RRBP1: variants seen among roughly 807,000 people sequenced by gnomAD.
RRBP1 encodes the protein ribosome binding protein 1, also known as ribosome-binding protein 1.
RRBP1 carries 94 observed loss-of-function variants against 165.2 expected under a neutral mutation model. The ratio of observed to expected loss-of-function variants is 0.57; its 90% CI spans 0.48 to 0.68. The LOEUF is 0.68. Ranked by LOEUF, RRBP1 falls within the 30% of genes least tolerant of loss-of-function variation. The pLI, the probability that RRBP1 is intolerant of heterozygous loss-of-function variation, is 0.00. For synonymous variants in RRBP1, 680 were observed against 714.5 expected (o/e 0.95, Z 0.77); for missense variants, 1,676 against 1,763.0 (o/e 0.95, Z 0.88).
intron 1 of RRBP1, among the ~76,000 whole-genome samples, chr20:17,681,092 C>T (rs1165728489): frequency 1.3e-5 from 2 of 151,676 alleles, no homozygotes. Flanking sequence ...GCGGGAGAGC[C>T]GGCCGGGCCG....
At chr20:17,638,178 C>T (rs1037288229) in intron 5 of RRBP1, among the ~76,000 whole-genome samples, 1 of 152,222 alleles carries the variant, frequency 6.6e-6, no homozygotes, top group Non-Finnish European at 1.5e-5. Flanking sequence ...GTGGCCCCAC[C>T]GGCCCACTGC....
At position 17,660,379 on chromosome 20, in the gene RRBP1, G is replaced by T; in HGVS notation, c.129C>A (p.Ala43=). 1.2e-6 allele frequency: 2 copies of T among 1,614,064 alleles called. No homozygotes were observed. The highest frequency in any genetic ancestry group is 1.7e-6 in the Non-Finnish European group (2 of 1,180,008). The change falls in exon 3 of 25, where the codon GCC becomes GCA. Residue 43 remains alanine, a synonymous_variant. Coordinates refer to ENST00000377813, the MANE Select transcript of RRBP1 (RefSeq NM_001365613.2). ...MKETSYEEAL[A]NQRKEMAKTH... is the part of the protein sequence containing the mutation. The stretch of plus-strand genomic sequence containing the variant: ...TTTTCGCCATCTCCTTGCGCTGGTT[G>T]GCTAGGGCTTCTTCATATGACGTTT...
chr20:17,669,131 T>C (rs2036926557), intron 2 of RRBP1, among the ~76,000 whole-genome samples: 1 of 152,216 alleles, frequency 6.6e-6, no homozygotes, highest in Admixed American at 6.5e-5. Context: ...AGAAACAATG[T>C]TACTCATTTT....
chr20:17,658,615 T>G lies in RRBP1; in HGVS notation c.1893A>C (p.Ser631=). ...QEAPAKKKSG[S]KKKGEPGPPD... ...ACTTACCAGGCTCACCTTTTTTCTT[T>G]GAACCAGACTTCTTCTTGGCAGGAG... The change falls in exon 3 of 25, where the codon TCA becomes TCC. Residue 631 remains serine, a synonymous_variant. Transcript: ENST00000377813. 6.3e-7 allele frequency: 1 copy of G among 1,593,638 alleles called. No individual in the cohort carries two copies. The highest frequency in any genetic ancestry group is 1.4e-5 in the African/African-American group (1 of 73,466).
At chr20:17,666,817 CTT>C (rs1231621883) in intron 2 of RRBP1, among the ~76,000 whole-genome samples, 1 of 152,156 alleles carries the variant, frequency 6.6e-6, no homozygotes, top group African/African-American at 2.4e-5. Flanking sequence ...AGTAGCATGT[CTT>C]ATATTCCTAG....
chr20:17,681,410 C>T (rs1448814963), intron 1 of RRBP1, among the ~76,000 whole-genome samples: 2 of 148,106 alleles, frequency 1.4e-5, no homozygotes, highest in African/African-American at 4.9e-5. Context: ...GCCCTGCGGC[C>T]CCGGCCCGCC....
intron 11 of RRBP1, 104 bp from the exon 12 acceptor site, chr20:17,625,706 C>A: frequency 1.0e-6 from 1 of 977,500 alleles, no homozygotes; most frequent in South Asian, 1.4e-5. Flanking sequence ...GAGGCTGAAC[C>A]ATCTGGCCAG....
At chr20:17,627,473 T>G (rs772688037) in intron 10 of RRBP1, 31 bp downstream of exon 10, 20 of 1,605,716 alleles carry the variant, frequency 1.2e-5, no homozygotes. Flanking sequence ...GAGTTCCCTT[T>G]CCTCCCCGTG....
chr20:17,618,672 T>C lies in RRBP1; in HGVS notation c.3683A>G (p.Gln1228Arg), dbSNP rs1400843747. ...NYAKEVAGLR[Q>R]LLLESQSQLD... ...CTGAGATTGAGATTCTAGGAGAAGT[T>C]GCCTCAGCTTGGGGAGAAAACAGAG... is the stretch of plus-strand genomic sequence containing the variant. The change falls in exon 20 of 25, where the codon CAA becomes CGA. Residue 1228 changes from glutamine to arginine, a missense_variant. Coordinates refer to ENST00000377813, the MANE Select transcript of RRBP1 (RefSeq NM_001365613.2). 3 of 1,613,738 alleles carry C rather than the reference T, an allele frequency of 1.9e-6. No homozygotes were observed. Among genetic ancestry groups the C allele is most frequent in the Non-Finnish European group, 1.7e-6 (2 of 1,179,838 alleles).
At position 17,636,879 on chromosome 20, in the gene RRBP1, G is replaced by C. The variant is rs186411532; in HGVS notation, c.2185-150C>G. The C allele has an allele frequency of 6.0e-5, 56 of 925,648 alleles. No homozygotes were observed. In the East Asian group the frequency reaches 1.4e-3, roughly 24 times the overall value. 57.3% of individuals were successfully genotyped at this position (925,648 alleles called of 1,614,324 possible). ...CGGGTTCTCAGCTAGACTCAAGCCA[G>C]CTGCAGTGGGAACGACGACAGACAA... On this transcript the variant is annotated intron_variant, in intron 5 of 24. Coordinates refer to ENST00000377813, the MANE Select transcript of RRBP1 (RefSeq NM_001365613.2).
intron 5 of RRBP1, among the ~76,000 whole-genome samples, chr20:17,639,829 G>A (rs1305968553): frequency 6.6e-6 from 1 of 151,084 alleles, no homozygotes; most frequent in East Asian, 1.9e-4. Flanking sequence ...GGAGGCGGAG[G>A]TTGCAGTGAG....
intron 3 of RRBP1, among the ~76,000 whole-genome samples, chr20:17,649,094 T>C (rs1233143566): frequency 6.6e-6 from 1 of 151,880 alleles, no homozygotes; most frequent in Non-Finnish European, 1.5e-5. Context: ...TTGTTCTTCT[T>C]TAAAAAAAGA....
In RRBP1 at chr20:17,633,903, G is replaced by A. The variant is rs530229542; in HGVS notation, c.2457-290C>T. On this transcript the variant is annotated intron_variant, in intron 7 of 24. Coordinates refer to ENST00000377813, the MANE Select transcript of RRBP1 (RefSeq NM_001365613.2). ...AAACAGCCAGAAATTCACAGAAAAC[G>A]GCAACACAGTTCTGGGTGCAAACCA... Among the ~76,000 whole-genome samples the A allele has an allele frequency of 2.6e-5, 4 of 152,322 alleles. No homozygotes were observed. In the South Asian group the frequency reaches 6.2e-4, roughly 24 times the overall value.
chr20:17,647,542 G>C (rs920417594), intron 3 of RRBP1, among the ~76,000 whole-genome samples: 1 of 152,210 alleles, frequency 6.6e-6, no homozygotes, highest in Non-Finnish European at 1.5e-5. Context: ...GCTGGAAGCA[G>C]GCAGACCAGC....
rs547155729 is a variant in RRBP1 at position 17,636,696 on chromosome 20, C to T, written c.2218G>A (p.Gly740Arg). ...AGCTGCTTTTTCACTTTGGCCTCCC[C>T]GGCTGCTGCTTTGGCCTTTTCTGCT... ...MAAEKAKAAA[G>R]EAKVKKQLVA... The change falls in exon 6 of 25, where the codon GGG becomes AGG. Residue 740 changes from glycine to arginine, a missense_variant. Coordinates refer to ENST00000377813, the MANE Select transcript of RRBP1 (RefSeq NM_001365613.2). The T allele has an allele frequency of 1.5e-5, 24 of 1,613,276 alleles. No homozygotes were observed. The East Asian group carries it at 1.8e-4, about 12-fold the overall frequency.
intron 2 of RRBP1, among the ~76,000 whole-genome samples, chr20:17,670,773 C>T (rs1406036981): frequency 6.6e-6 from 1 of 152,222 alleles, no homozygotes; most frequent in African/African-American, 2.4e-5. Flanking sequence ...TTTTCACTCT[C>T]ACTGTTGAAT....
chr20:17,635,499 G>A (rs370038711), intron 7 of RRBP1, 47 bp downstream of exon 7: 69 of 1,414,842 alleles, frequency 4.9e-5, no homozygotes, highest in South Asian at 6.1e-5. Context: ...AGCCTTCCTC[G>A]CTCCAGGGCC....
At chr20:17,652,676 G>A (rs1482846845) in intron 3 of RRBP1, among the ~76,000 whole-genome samples, 1 of 152,144 alleles carries the variant, frequency 6.6e-6, no homozygotes, top group Non-Finnish European at 1.5e-5. Flanking sequence ...CAGAGAAGCT[G>A]GAGTGGGCAG....
Position 17,662,453 on chromosome 20 carries a change from G to C in RRBP1, c.-21-1925C>G, listed in dbSNP as rs77698030. On this transcript the variant is annotated intron_variant, in intron 2 of 24. Transcript: ENST00000377813. ...CACACTTCTCCCACACTGTCACTCG[G>C]CGTTGAGCGAGACTGAGTCACACTT... 4.7e-3 allele frequency among the ~76,000 whole-genome samples: 719 copies of C among 152,238 alleles called. 5 individuals carry two copies. Among genetic ancestry groups the C allele is most frequent in the African/African-American group, 0.015 (627 of 41,532 alleles).
Sources: allele counts gnomAD v4.1 joint callset (sites outside exome capture counted in the v4.1 genomes callset), GRCh38; gene constraint gnomAD v4.1.1; transcripts MANE v1.5; gene names NCBI Gene and HGNC (gene_info 2026-07-23, HGNC 2026-07-21).